DRICH1: variants seen among roughly 807,000 people sequenced by gnomAD.
DRICH1 encodes aspartate rich 1, also known as aspartate-rich protein 1.
In DRICH1, 38 loss-of-function variants were observed where a neutral mutation model predicts 39.5. The observed-to-expected ratio is 0.96, with a 90% CI of 0.74 to 1.26. DRICH1 has a LOEUF of 1.26. Ranked by LOEUF, DRICH1 falls within the 50% of genes most tolerant of loss-of-function variation. The pLI is 0.00. For synonymous variants in DRICH1, 84 were observed against 99.5 expected, an observed-to-expected ratio of 0.84 and a Z score of 0.93; for missense variants, 279 against 270.4, an observed-to-expected ratio of 1.03 and a Z score of -0.22.
intron 11 of DRICH1, 93 bp from the exon 12 acceptor site, chr22:23,608,861 C>G: frequency 7.4e-7 from 1 of 1,358,366 alleles, no homozygotes. Flanking sequence ...ACGCCAGCAT[C>G]CCTGGGCTCC....
Position 23,614,217 on chromosome 22 carries a change from G to A in DRICH1, c.542-3C>T, listed in dbSNP as rs1173745456. ...AAACAGGCTATCTTCAGAACAAGCT[G>A]GAAGGACACAGAGGAAAGATCAGTG... On this transcript the variant is annotated splice_region_variant and splice_polypyrimidine_tract_variant and intron_variant, in intron 8 of 11. Transcript: ENST00000317749. 1 of 1,610,460 alleles carries A rather than the reference G, an allele frequency of 6.2e-7. No individual in the cohort carries two copies. The highest frequency in any genetic ancestry group is 1.3e-5 in the African/African-American group (1 of 74,856).
chr22:23,625,054 G>T, intron 2 of DRICH1, 150 bp from the exon 3 acceptor site: 1 of 884,242 alleles, frequency 1.1e-6, no homozygotes, highest in Non-Finnish European at 1.7e-6. Context: ...TAGCATAGAG[G>T]ACATGAGTGA....
chr22:23,595,066 C>A, the DRICH1 span, among the ~76,000 whole-genome samples: 1 of 149,116 alleles, frequency 6.7e-6, no homozygotes, highest in Non-Finnish European at 1.5e-5. Flanking sequence ...CACCCAGGTC[C>A]TCAGTGTCCC....
In DRICH1 at chr22:23,632,172, C is replaced by T. The variant is rs1006833065; in HGVS notation, c.-149G>A. On this transcript the variant is annotated 5_prime_UTR_variant, in exon 1 of 12. Transcript: ENST00000317749. The stretch of plus-strand genomic sequence containing the variant: ...TCTGGGTCCTCAGCCCTTATTCTGC[C>T]GCCACCTCCCAAACTAGCTGGTCTA... The T allele has an allele frequency of 3.1e-5, 41 of 1,305,590 alleles. No individual in the cohort carries two copies. Among genetic ancestry groups the T allele is most frequent in the South Asian group, 2.1e-4 (14 of 66,266 alleles). 80.9% of individuals were successfully genotyped at this position (1,305,590 alleles called of 1,614,324 possible).
chr22:23,621,270 A>C (rs780569011), intron 4 of DRICH1, among the ~76,000 whole-genome samples: 14 of 152,024 alleles, frequency 9.2e-5, no homozygotes, highest in Non-Finnish European at 1.5e-4. Context: ...GTCTAAGTTG[A>C]AAGTTTACTA....
rs761595099 is a variant in DRICH1 at position 23,632,216 on chromosome 22, GTCT to G, written c.-196_-194del. ...TGGTCTATGAGGTCAGGGACCTGCT[GTCT>G]TCTTTGAAAAATAAACGAACATGAC... On this transcript the variant is annotated 5_prime_UTR_variant, in exon 1 of 12. Coordinates refer to ENST00000317749, the MANE Select transcript of DRICH1 (RefSeq NM_016449.4). 379 of 885,336 alleles carry G rather than the reference GTCT, an allele frequency of 4.3e-4. 1 individual carries two copies. Among genetic ancestry groups the G allele is most frequent in the Non-Finnish European group, 5.8e-4 (347 of 598,820 alleles). 54.8% of individuals were successfully genotyped at this position (885,336 alleles called of 1,614,324 possible).
At position 23,625,942 on chromosome 22, in the gene DRICH1, A is replaced by G. The variant is rs561469412; in HGVS notation, c.276+39T>C. 6 of 1,532,798 alleles carry G rather than the reference A, an allele frequency of 3.9e-6. 1 individual carries two copies. In the South Asian group the frequency reaches 7.1e-5, roughly 18 times the overall value. The allele number at this position is 1,532,798 out of a possible 1,614,324, so 94.9% of individuals were successfully genotyped here. ...GTGAATTTGTTTCTGACATCAGGAA[A>G]GCAACATTTCCTTAGAAGGCAAAGA... On this transcript the variant is annotated intron_variant, in intron 2 of 11. Coordinates refer to ENST00000317749, the MANE Select transcript of DRICH1 (RefSeq NM_016449.4).
At chr22:23,614,861 G>A (rs1927259755) in intron 8 of DRICH1, among the ~76,000 whole-genome samples, 1 of 152,152 alleles carries the variant, frequency 6.6e-6, no homozygotes, top group African/African-American at 2.4e-5. Context: ...TAAAAATCAG[G>A]CTTCATTCAA....
At chr22:23,611,284 A>T (rs1244197368) in intron 11 of DRICH1, among the ~76,000 whole-genome samples, 1 of 152,158 alleles carries the variant, frequency 6.6e-6, no homozygotes, top group African/African-American at 2.4e-5. Context: ...CCATCTGTAT[A>T]ATGACTAAAA....
At chr22:23,588,489 A>G in the DRICH1 span, among the ~76,000 whole-genome samples, 1 of 152,216 alleles carries the variant, frequency 6.6e-6, no homozygotes, top group Admixed American at 6.5e-5. Context: ...CCCACAGCAG[A>G]GAAGTGTATT....
In DRICH1 at chr22:23,622,104, T is replaced by A; in HGVS notation, c.371A>T (p.Asp124Val). ...AGATTGTCTTACCTGGGCATCATCA[T>A]CATCATCATCATCACAGTCATCATC... is the stretch of plus-strand genomic sequence containing the variant. ...SEDDDCDDDD[D>V]DDAQILPSRV... is the part of the protein sequence containing the mutation. The change falls in exon 4 of 12, where the codon GAT (aspartate) becomes GTT (valine). Residue 124 changes from aspartate to valine, a missense_variant. Transcript: ENST00000317749. The A allele has an allele frequency of 6.2e-7, 1 of 1,611,260 alleles. No individual in the cohort carries two copies. Among genetic ancestry groups the A allele is most frequent in the Non-Finnish European group, 8.5e-7 (1 of 1,177,840 alleles).
Position 23,608,466 on chromosome 22 carries a change from C to T in DRICH1, c.*298G>A. ...CTGCACCTGAATAAATGCACTCAGTCTCTTTATTTCAAGTGGGAATGGCAC... is the reference window on the plus strand; with the variant it reads ...CTGCACCTGAATAAATGCACTCAGTTTCTTTATTTCAAGTGGGAATGGCAC... On this transcript the variant is annotated 3_prime_UTR_variant, in exon 12 of 12. Transcript: ENST00000317749. 2 of 479,784 alleles carry T rather than the reference C, an allele frequency of 4.2e-6. No homozygotes were observed. Among genetic ancestry groups the T allele is most frequent in the East Asian group, 3.1e-5 (1 of 32,258 alleles). The allele number at this position is 479,784 out of a possible 1,614,324, so 29.7% of individuals were successfully genotyped here. A position where few individuals can be genotyped will look rare whatever the true frequency, so the allele number is the denominator to read the frequency against.
chr22:23,626,269 C>T (rs1485948851), intron 1 of DRICH1, among the ~76,000 whole-genome samples: 1 of 152,098 alleles, frequency 6.6e-6, no homozygotes, highest in Non-Finnish European at 1.5e-5. Flanking sequence ...TCCGAAGTCC[C>T]AGAAGATATT....
intron 3 of DRICH1, among the ~76,000 whole-genome samples, chr22:23,624,514 AAATGCTGTTTT>A (rs1322104801): frequency 6.6e-6 from 1 of 152,184 alleles, no homozygotes; most frequent in Non-Finnish European, 1.5e-5. Flanking sequence ...AGGTTCTTGT[AAATGCTGTTTT>A]ATTAGACCCC....
At chr22:23,606,647 G>A (rs1367900612), downstream of DRICH1, among the ~76,000 whole-genome samples, 1 of 152,186 alleles carries the variant, frequency 6.6e-6, no homozygotes, top group Admixed American at 6.5e-5. Flanking sequence ...CCCTACTCTG[G>A]GGCAGTGGTA....
chr22:23,607,580 T>C (rs1926808510), downstream of DRICH1, among the ~76,000 whole-genome samples: 1 of 152,094 alleles, frequency 6.6e-6, no homozygotes, highest in Non-Finnish European at 1.5e-5. Flanking sequence ...GGTTTCTCTT[T>C]CTTCTGAGAG....
intron 1 of DRICH1, 45 bp downstream of exon 1, chr22:23,631,771 G>A (rs375309950): frequency 2.0e-6 from 3 of 1,502,278 alleles, no homozygotes; most frequent in Non-Finnish European, 2.8e-6. Flanking sequence ...GGTGGGGGTG[G>A]CCAGAGGTGT....
intron 1 of DRICH1, among the ~76,000 whole-genome samples, chr22:23,629,445 T>C (rs1331132596): frequency 6.6e-6 from 1 of 152,086 alleles, no homozygotes; most frequent in East Asian, 1.9e-4. Flanking sequence ...GATCAGTACA[T>C]GGGGATCAGT....
In DRICH1 at chr22:23,611,647, C is replaced by T. The variant is rs5996583; in HGVS notation, c.685+1642G>A. 3.6e-3 allele frequency among the ~76,000 whole-genome samples: 544 copies of T among 152,232 alleles called. 1 individual carries two copies. The highest frequency in any genetic ancestry group is 0.012 in the African/African-American group (499 of 41,538). ...ACCTCGTAATCCGCCCACCTTGCAC[C>T]TGCTTATTAACTACAGCCATATGTA... On this transcript the variant is annotated intron_variant, in intron 11 of 11. Transcript: ENST00000317749.
Sources: allele counts gnomAD v4.1 joint callset (sites outside exome capture counted in the v4.1 genomes callset), GRCh38; gene constraint gnomAD v4.1.1; transcripts MANE v1.5; gene names NCBI Gene and HGNC (gene_info 2026-07-23, HGNC 2026-07-21).